The following PDSS2 variants were observed in gnomAD, a reference collection of about 807,000 sequenced individuals.
The protein encoded by PDSS2 is decaprenyl diphosphate synthase subunit 2, also known as all trans-polyprenyl-diphosphate synthase PDSS2.
PDSS2 carries 31 observed loss-of-function variants against 44.5 expected under a neutral mutation model. That is an observed-to-expected ratio of 0.70 (90% CI 0.52 to 0.94). The LOEUF (loss-of-function observed/expected upper bound fraction) is 0.94, where lower values mean the gene tolerates loss of function less well. Ranked by LOEUF, PDSS2 falls within the 40% of genes least tolerant of loss-of-function variation. The pLI is 0.00. For synonymous variants in PDSS2, 157 were observed against 180.3 expected (o/e 0.87, Z 1.03); for missense variants, 452 against 482.2 (o/e 0.94, Z 0.59).
chr6:107,169,266 G>A (rs9480747), intron 7 of PDSS2, among the ~76,000 whole-genome samples: 41,504 of 151,706 alleles, frequency 0.27, 5,773 homozygotes, highest in Middle Eastern at 0.35. Context: ...CCACTTGATC[G>A]AGTCGGCTAC....
chr6:107,224,324 G>C (rs541428169), intron 4 of PDSS2, among the ~76,000 whole-genome samples: 2 of 151,428 alleles, frequency 1.3e-5, no homozygotes, highest in East Asian at 3.9e-4. Flanking sequence ...ATTTAGGAAA[G>C]GATATATCAT....
At chr6:107,214,663 A>C (rs1773353529) in intron 4 of PDSS2, among the ~76,000 whole-genome samples, 1 of 152,190 alleles carries the variant, frequency 6.6e-6, no homozygotes. Flanking sequence ...CTTGGAGACA[A>C]AATAAAAAAT....
intron 3 of PDSS2, among the ~76,000 whole-genome samples, chr6:107,262,827 A>G (rs770604482): frequency 1.3e-5 from 2 of 152,080 alleles, no homozygotes; most frequent in Non-Finnish European, 2.9e-5. Context: ...TACGCCTGTC[A>G]TCTCAACACT....
At chr6:107,162,860 C>T (rs1267903778) in intron 7 of PDSS2, among the ~76,000 whole-genome samples, 4 of 152,120 alleles carry the variant, frequency 2.6e-5, no homozygotes, top group African/African-American at 7.2e-5. Flanking sequence ...CTGCCTTGGC[C>T]TCCCAAAGTG....
At chr6:107,233,363 T>TGAATG (rs1321153967) in intron 4 of PDSS2, among the ~76,000 whole-genome samples, 2 of 152,178 alleles carry the variant, frequency 1.3e-5, no homozygotes, top group Non-Finnish European at 1.5e-5. Flanking sequence ...CCTGTGTTCT[T>TGAATG]TATTGCTTTG....
At chr6:107,349,808 C>T (rs1778377499) in intron 1 of PDSS2, among the ~76,000 whole-genome samples, 1 of 152,120 alleles carries the variant, frequency 6.6e-6, no homozygotes, top group South Asian at 2.1e-4. Flanking sequence ...CACAATACAA[C>T]CATCAAAATC....
chr6:107,241,333 CTCT>C (rs1212858753), intron 4 of PDSS2, among the ~76,000 whole-genome samples: 15 of 139,876 alleles, frequency 1.1e-4, no homozygotes, highest in African/African-American at 2.9e-4. Flanking sequence ...CTCTACAAAC[CTCT>C]TCTTCTTCTT....
At chr6:107,375,101 C>T (rs925553471) in intron 1 of PDSS2, among the ~76,000 whole-genome samples, 4 of 151,338 alleles carry the variant, frequency 2.6e-5, no homozygotes, top group African/African-American at 4.8e-5. Context: ...TTCAGGAATG[C>T]AGAAATTTAT....
intron 1 of PDSS2, among the ~76,000 whole-genome samples, chr6:107,359,004 GC>G (rs1778675444): frequency 3.3e-5 from 3 of 90,642 alleles, no homozygotes; most frequent in Admixed American, 1.3e-4. Context: ...TAGCATTCTC[GC>G]TCTTTTTTTT....
intron 1 of PDSS2, among the ~76,000 whole-genome samples, chr6:107,384,059 T>C (rs1229032431): frequency 2.6e-5 from 4 of 152,300 alleles, no homozygotes; most frequent in Admixed American, 6.5e-5. Flanking sequence ...GTGGTATATA[T>C]TCATACACTA....
chr6:107,421,930 T>C (rs1281660035), intron 1 of PDSS2, among the ~76,000 whole-genome samples: 3 of 151,826 alleles, frequency 2.0e-5, no homozygotes, highest in Admixed American at 6.6e-5. Context: ...TTAAATAATG[T>C]TCTATACTTA....
chr6:107,199,138 C>A (rs922271597), intron 6 of PDSS2, among the ~76,000 whole-genome samples: 2 of 152,206 alleles, frequency 1.3e-5, no homozygotes, highest in African/African-American at 4.8e-5. Flanking sequence ...TTCTATTACA[C>A]CTCTTGGTTG....
intron 1 of PDSS2, among the ~76,000 whole-genome samples, chr6:107,451,466 G>C (rs1781863617): frequency 6.6e-6 from 1 of 152,084 alleles, no homozygotes; most frequent in African/African-American, 2.4e-5. Context: ...TAAGCCCAGG[G>C]CATAAAACCC....
chr6:107,406,528 G>T (rs1482083476), intron 1 of PDSS2, among the ~76,000 whole-genome samples: 3 of 152,084 alleles, frequency 2.0e-5, no homozygotes, highest in Non-Finnish European at 4.4e-5. Context: ...ATCAATTTTT[G>T]CTTCTACCAC....
At chr6:107,187,844 C>A (rs1161003387) in intron 7 of PDSS2, among the ~76,000 whole-genome samples, 3 of 152,086 alleles carry the variant, frequency 2.0e-5, no homozygotes, top group Non-Finnish European at 4.4e-5. Context: ...ATGAGCAAGG[C>A]CACCGAAGCA....
chr6:107,398,199 T>C (rs1780006348), intron 1 of PDSS2, among the ~76,000 whole-genome samples: 1 of 152,200 alleles, frequency 6.6e-6, no homozygotes, highest in Admixed American at 6.5e-5. Flanking sequence ...AGGCTCCATT[T>C]TCTCAACTTA....
In PDSS2 at chr6:107,208,036, G is replaced by C. The variant is rs113897365; in HGVS notation, c.1008+2403C>G. 1.1e-3 allele frequency among the ~76,000 whole-genome samples: 140 copies of C among 126,730 alleles called. 1 individual carries two copies. Among genetic ancestry groups the C allele is most frequent in the African/African-American group, 3.8e-3 (131 of 34,442 alleles). 83.1% of individuals were successfully genotyped at this position (126,730 alleles called of 152,430 possible). On this transcript the variant is annotated intron_variant, in intron 6 of 7. Transcript: ENST00000369037. ...AGTTTCACTCTTGTTGCCCAGGCTG[G>C]AGTACGGTGGCGCAATCTTGGCTCA... is the stretch of plus-strand genomic sequence containing the variant.
chr6:107,391,811 T>C (rs1016641110), intron 1 of PDSS2, among the ~76,000 whole-genome samples: 4 of 152,040 alleles, frequency 2.6e-5, no homozygotes, highest in African/African-American at 9.7e-5. Flanking sequence ...GCGCCAGCAC[T>C]TTTTGAATGC....
Position 107,274,234 on chromosome 6 carries a change from C to T in PDSS2, c.432-7G>A. The T allele has an allele frequency of 1.2e-6, 2 of 1,601,528 alleles. No individual in the cohort carries two copies. Among genetic ancestry groups the T allele is most frequent in the Non-Finnish European group, 8.6e-7 (1 of 1,168,502 alleles). On this transcript the variant is annotated splice_region_variant and splice_polypyrimidine_tract_variant and intron_variant, in intron 2 of 7. Transcript: ENST00000369037. ...CTCTGCCAAACTTCTTTGACTAAAA[C>T]ATAAAGGTAAGATTTGTTAGAATAT...
Sources: allele counts gnomAD v4.1 joint callset (sites outside exome capture counted in the v4.1 genomes callset), GRCh38; gene constraint gnomAD v4.1.1; transcripts MANE v1.5; gene names NCBI Gene and HGNC (gene_info 2026-07-23, HGNC 2026-07-21).